Variants in RBM48 observed in about 807,000 individuals in gnomAD.
RBM48 encodes the protein RNA binding motif protein 48.
In RBM48, 32 loss-of-function variants were observed where a neutral mutation model predicts 34.8. That is an observed-to-expected ratio of 0.92 (90% CI 0.69 to 1.23). The LOEUF is 1.23. RBM48 is among the 50% of genes most tolerant of loss of function. RBM48 has a pLI of 0.00. For missense variants in RBM48, 441 were observed against 447.2 expected (o/e 0.99, Z 0.12); for synonymous variants, 151 against 156.2 (o/e 0.97, Z 0.25).
chr7:92,532,531 A>G lies in RBM48; in HGVS notation c.430A>G (p.Lys144Glu). The G allele has an allele frequency of 6.2e-7, 1 of 1,610,854 alleles. No individual in the cohort carries two copies. The highest frequency in any genetic ancestry group is 1.3e-5 in the African/African-American group (1 of 74,856). Residue 144 changes from lysine (K) to glutamate (E), a missense_variant, in exon 3 of 5, where the codon AAA (lysine) becomes GAA (glutamate). Lys to Glu is a moderately conservative substitution (Grantham distance 56). Transcript: ENST00000265732. ...ACAAATGCGGAAGGCATATGTAGTA[A>G]AAACTACTGAAAATAAAGGTATGGA... ...KLQMRKAYVV[K>E]TTENKDHYVT...
intron 3 of RBM48, among the ~76,000 whole-genome samples, chr7:92,533,989 A>C (rs900197485): frequency 6.8e-6 from 1 of 146,344 alleles, no homozygotes; most frequent in Non-Finnish European, 1.5e-5. Flanking sequence ...AAAAAAAAAA[A>C]CCTTTCTATA....
At position 92,537,527 on chromosome 7, in the gene RBM48, T is replaced by C. The variant is rs1253323988; in HGVS notation, c.*590T>C. 1 of 152,252 alleles carries C rather than the reference T, an allele frequency of 6.6e-6. No homozygotes were observed. The highest frequency in any genetic ancestry group is 1.5e-5 in the Non-Finnish European group (1 of 68,042). 9.4% of individuals were successfully genotyped at this position (152,252 alleles called of 1,614,324 possible). On this transcript the variant is annotated 3_prime_UTR_variant, in exon 5 of 5. Coordinates refer to ENST00000265732, the MANE Select transcript of RBM48 (RefSeq NM_032120.4). ...GGCAGCCAGCGTCTGTTTCCAATTA[T>C]AATACAAGTATTGAATGAACCATTG...
At position 92,538,759 on chromosome 7, in the gene RBM48, TGAG is replaced by T. The variant is rs1040670597; in HGVS notation, c.*1826_*1828del. Among the ~76,000 whole-genome samples, 8 of 151,774 alleles carry T rather than the reference TGAG, an allele frequency of 5.3e-5. No homozygotes were observed. Among genetic ancestry groups the T allele is most frequent in the Admixed American group, 2.0e-4 (3 of 15,236 alleles). On this transcript the variant is annotated 3_prime_UTR_variant, in exon 5 of 5. Transcript: ENST00000265732. ...GGCCAGGGGCTGTGGGGAGGGAAAA[TGAG>T]GAGTTACGGTTTAATGGGCATAGAA... is the stretch of plus-strand genomic sequence containing the variant.
chr7:92,535,139 T>A (rs755563772), intron 4 of RBM48, 169 bp downstream of exon 4: 1 of 1,441,034 alleles, frequency 6.9e-7, no homozygotes, highest in Non-Finnish European at 9.1e-7. Flanking sequence ...ACATTTTATT[T>A]GCTTTAAACT....
chr7:92,535,364 T>C (rs1793684112), intron 4 of RBM48: 1 of 1,089,944 alleles, frequency 9.2e-7, no homozygotes, highest in Non-Finnish European at 1.1e-6. Context: ...TATTACAGTT[T>C]ATATCAAATT....
intron 3 of RBM48, among the ~76,000 whole-genome samples, chr7:92,533,028 T>C (rs932337417): frequency 3.9e-5 from 6 of 152,264 alleles, no homozygotes; most frequent in African/African-American, 1.2e-4. Flanking sequence ...GAAGCAGTTA[T>C]GATTTGCAGT....
Position 92,536,123 on chromosome 7 carries a change from C to T in RBM48, c.1018-728C>T, listed in dbSNP as rs145937717. 5.6e-4 allele frequency: 545 copies of T among 979,882 alleles called. 1 individual carries two copies. The African/African-American group carries it at 8.6e-3, about 15-fold the overall frequency. 60.7% of individuals were successfully genotyped at this position (979,882 alleles called of 1,614,324 possible). A position where few individuals can be genotyped will look rare whatever the true frequency, so the allele number is the denominator to read the frequency against. On this transcript the variant is annotated intron_variant, in intron 4 of 4. Transcript: ENST00000265732. ...CCAGCCTGGGTGACAGTGTGAGACC[C>T]TGTCTCAAAAAAAAAGGTTTTCAGT...
rs1793754070 is a variant in RBM48 at position 92,537,626 on chromosome 7, A to T, written c.*689A>T. The T allele has an allele frequency of 2.0e-5, 3 of 152,212 alleles. No individual in the cohort carries two copies. The highest frequency in any genetic ancestry group is 2.0e-4 in the Admixed American group (3 of 15,284). The allele number at this position is 152,212 out of a possible 1,614,324, so 9.4% of individuals were successfully genotyped here. A position where few individuals can be genotyped will look rare whatever the true frequency, so the allele number is the denominator to read the frequency against. On this transcript the variant is annotated 3_prime_UTR_variant, in exon 5 of 5. Transcript: ENST00000265732. ...GACAATTCTATGAAGTAAAAAGTAGATTAGCTATTAGAACAAAGCTGAAAT... is the reference window on the plus strand; with the variant it reads ...GACAATTCTATGAAGTAAAAAGTAGTTTAGCTATTAGAACAAAGCTGAAAT...
chr7:92,529,737 A>G (rs1210213351), intron 2 of RBM48, 71 bp downstream of exon 2: 11 of 973,620 alleles, frequency 1.1e-5, no homozygotes, highest in African/African-American at 5.0e-5. Context: ...TTTGGCCCCA[A>G]GTTTCCCTCA....
rs995186660 is a variant in RBM48, at chr7:92,540,020, C to T, written c.*3083C>T. ...TGGTTTGGGAAATACACCATACTTA[C>T]AGGAAACAGGAATTGTCTATTGCTA... On this transcript the variant is annotated 3_prime_UTR_variant, in exon 5 of 5. Coordinates refer to ENST00000265732, the MANE Select transcript of RBM48 (RefSeq NM_032120.4). Among the ~76,000 whole-genome samples the T allele has an allele frequency of 2.0e-5, 3 of 152,200 alleles. No homozygotes were observed. In the South Asian group the frequency reaches 6.2e-4, roughly 32 times the overall value.
intron 2 of RBM48, among the ~76,000 whole-genome samples, chr7:92,530,919 A>G (rs188043868): frequency 1.3e-5 from 2 of 152,152 alleles, no homozygotes; most frequent in Non-Finnish European, 1.5e-5. Flanking sequence ...TGTATTTTGT[A>G]AAAATACAAA....
intron 4 of RBM48, chr7:92,535,650 A>G (rs1449680245): frequency 4.1e-6 from 4 of 984,604 alleles, no homozygotes; most frequent in Non-Finnish European, 4.8e-6. Flanking sequence ...GGGTTATGAC[A>G]TTCTCTTATA....
intron 4 of RBM48, chr7:92,536,113 G>A (rs766834634): frequency 4.8e-5 from 46 of 963,948 alleles, no homozygotes; most frequent in Non-Finnish European, 3.7e-5. Context: ...CTGGGTGACA[G>A]TGTGAGACCC....
chr7:92,529,524 C>T lies in RBM48; in HGVS notation c.160C>T (p.Pro54Ser), dbSNP rs1793487679. Residue 54 changes from proline to serine, a missense_variant, in exon 2 of 5, where the codon CCT (proline) becomes TCT (serine). Physicochemically the swap from Pro to Ser is moderately conservative, Grantham distance 74. Transcript: ENST00000265732. ...TCAGTACTTATTAATACAAGGAGTT[C>T]CTGCTGTGGGAGTCATGAAGGAATT... ...ESQYLLIQGVPAVGVMKELVE... is the reference protein window; with the variant it reads ...ESQYLLIQGVSAVGVMKELVE... 1 of 1,611,042 alleles carries T rather than the reference C, an allele frequency of 6.2e-7. No homozygotes were observed. The highest frequency in any genetic ancestry group is 1.7e-5 in the Admixed American group (1 of 59,906).
At position 92,534,827 on chromosome 7, in the gene RBM48, C is replaced by G; in HGVS notation, c.874C>G (p.Arg292Gly). ...QERKRRREDD[R>G]KLGTFLQTNP... is the part of the protein sequence containing the mutation. ...GCGCAAAAGAAGAAGAGAAGATGAT[C>G]GTAAACTTGGAACTTTTCTTCAAAC... The change falls in exon 4 of 5, where the codon CGT becomes GGT. Residue 292 changes from arginine (R) to glycine (G), a missense_variant. Physicochemically the swap from Arg to Gly is moderately radical, Grantham distance 125. Transcript: ENST00000265732. 1 of 1,614,120 alleles carries G rather than the reference C, an allele frequency of 6.2e-7. No individual in the cohort carries two copies. The highest frequency in any genetic ancestry group is 8.5e-7 in the Non-Finnish European group (1 of 1,180,006).
At chr7:92,533,084 T>G (rs1384990600) in intron 3 of RBM48, among the ~76,000 whole-genome samples, 1 of 152,210 alleles carries the variant, frequency 6.6e-6, no homozygotes, top group East Asian at 1.9e-4. Context: ...GAAGTTCTAC[T>G]TTTGACCAGC....
intron 3 of RBM48, among the ~76,000 whole-genome samples, chr7:92,533,844 G>A (rs1793634441): frequency 6.6e-6 from 1 of 151,786 alleles, no homozygotes; most frequent in South Asian, 2.1e-4. Context: ...TTTTGGGAGA[G>A]TAAACCAGGG....
chr7:92,533,692 A>G (rs755013924), intron 3 of RBM48, among the ~76,000 whole-genome samples: 19 of 152,212 alleles, frequency 1.2e-4, no homozygotes, highest in Non-Finnish European at 2.6e-4. Context: ...AAAAACTCTT[A>G]TTATGGAAAT....
At chr7:92,529,267 G>C (rs1008346783) in intron 1 of RBM48, 1 of 577,336 alleles carries the variant, frequency 1.7e-6, no homozygotes, top group Non-Finnish European at 3.0e-6. Context: ...GTCGACTGAA[G>C]GTAGTCTGTT....
Sources: gnomAD v4.1 joint callset for allele counts (sites outside exome capture counted in the v4.1 genomes callset) on GRCh38, gnomAD v4.1.1 for gene constraint, MANE v1.5 for transcripts, NCBI Gene and HGNC (gene_info 2026-07-23, HGNC 2026-07-21) for gene names.